AACS: variants seen among roughly 807,000 people sequenced by gnomAD.
AACS encodes the protein acetoacetyl-CoA synthetase.
Under a neutral mutation model 83.1 loss-of-function variants are expected in AACS, and 69 were observed. The observed-to-expected ratio is 0.83, with a 90% CI of 0.68 to 1.01. The LOEUF is 1.01. AACS is among the 50% of genes least tolerant of loss of function. The probability of loss-of-function intolerance (pLI) is 0.00; values close to 1 mark genes in which losing one functional copy is unlikely to be tolerated. For missense variants in AACS, 866 were observed against 882.2 expected (o/e 0.98, Z 0.23); for synonymous variants, 333 against 343.4 (o/e 0.97, Z 0.33).
At chr12:125,070,363 G>A (rs997059120) in intron 1 of AACS, among the ~76,000 whole-genome samples, 4 of 152,176 alleles carry the variant, frequency 2.6e-5, no homozygotes, top group African/African-American at 9.7e-5. Flanking sequence ...CGGTTTAGAA[G>A]GGCGGATAGC....
chr12:125,102,826 G>A (rs1020110020), intron 6 of AACS, 33 bp downstream of exon 6: 54 of 1,599,002 alleles, frequency 3.4e-5, no homozygotes, highest in Non-Finnish European at 4.2e-5. Flanking sequence ...AGCCGGCATG[G>A]CTGGGTGTGT....
chr12:125,069,903 C>T (rs1302541014), intron 1 of AACS, among the ~76,000 whole-genome samples: 7 of 152,188 alleles, frequency 4.6e-5, no homozygotes, highest in African/African-American at 1.7e-4. Flanking sequence ...TTGGTGTTGA[C>T]ATTCTGAGTA....
At chr12:125,092,997 A>C (rs1316834772) in intron 5 of AACS, among the ~76,000 whole-genome samples, 2 of 152,330 alleles carry the variant, frequency 1.3e-5, no homozygotes, top group East Asian at 3.9e-4. Flanking sequence ...TCCATGGGCA[A>C]GTGCCCTGGT....
At chr12:125,079,320 A>G (rs1204918212) in intron 3 of AACS, among the ~76,000 whole-genome samples, 3 of 152,100 alleles carry the variant, frequency 2.0e-5, no homozygotes, top group Non-Finnish European at 4.4e-5. Flanking sequence ...TGGGTGGAGA[A>G]CGGGAAGGGA....
chr12:125,074,062 T>C (rs7963305), intron 2 of AACS, 83 bp downstream of exon 2: 22,076 of 1,145,882 alleles, frequency 0.019, 456 homozygotes, highest in African/African-American at 0.094. Context: ...AATACTGAAT[T>C]GTATCTCCTT....
rs761854692 is a variant in AACS, at chr12:125,128,266, AC to A, written c.1416del (p.Asn472LysfsTer112). ...CTGGGCATGGCCGTGGAAGCGTGGA[AC>A]GAGGAAGGTGATGGCTCCACCAACT... ...RNLGMAVEAWNEEGKAVWGES... is the reference protein window; with the variant it reads ...RNLGMAVEAWXEEGKAVWGES... On this transcript the variant is annotated frameshift_variant, in exon 13 of 18. Transcript: ENST00000316519. LOFTEE classifies it high-confidence loss of function. 1.2e-6 allele frequency: 2 copies of A among 1,611,300 alleles called. No individual in the cohort carries two copies. The highest frequency in any genetic ancestry group is 2.2e-5 in the South Asian group (2 of 90,648).
chr12:125,096,772 T>A (rs1024269059), intron 5 of AACS, among the ~76,000 whole-genome samples: 5 of 151,090 alleles, frequency 3.3e-5, no homozygotes, highest in Non-Finnish European at 7.4e-5. Context: ...GTGGTGTCTT[T>A]CCAGGAAGGG....
intron 2 of AACS, among the ~76,000 whole-genome samples, chr12:125,075,473 G>C (rs1012144188): frequency 3.3e-5 from 5 of 151,290 alleles, no homozygotes; most frequent in African/African-American, 9.7e-5. Context: ...TGCATTTTTA[G>C]TAGAGATGGG....
intron 12 of AACS, among the ~76,000 whole-genome samples, chr12:125,125,462 A>G (rs555039861): frequency 1.2e-4 from 18 of 152,282 alleles, no homozygotes; most frequent in African/African-American, 4.3e-4. Flanking sequence ...TGTGAGAGCA[A>G]GGCAGGGAGG....
chr12:125,114,336 G>A (rs1957012283), intron 8 of AACS, 141 bp from the exon 9 acceptor site: 2 of 628,900 alleles, frequency 3.2e-6, no homozygotes, highest in Non-Finnish European at 2.7e-6. Context: ...ACCCTCCAAA[G>A]TCTGCTTCTC....
At chr12:125,079,970 T>C (rs913089645) in intron 3 of AACS, among the ~76,000 whole-genome samples, 1 of 152,212 alleles carries the variant, frequency 6.6e-6, no homozygotes, top group African/African-American at 2.4e-5. Context: ...CCTTTTGTGA[T>C]TGGCTGCTTT....
At chr12:125,095,058 G>A (rs1216631015) in intron 5 of AACS, among the ~76,000 whole-genome samples, 2 of 151,310 alleles carry the variant, frequency 1.3e-5, no homozygotes, top group Admixed American at 6.6e-5. Flanking sequence ...ATTCTCGCTC[G>A]CTCTGGGTGG....
intron 3 of AACS, among the ~76,000 whole-genome samples, chr12:125,085,289 C>T (rs1051302891): frequency 2.0e-5 from 3 of 151,018 alleles, no homozygotes; most frequent in Admixed American, 6.6e-5. Flanking sequence ...ACCACGCACA[C>T]GCATGTTGCA....
chr12:125,132,427 A>G (rs1289021428), intron 14 of AACS, among the ~76,000 whole-genome samples: 1 of 152,208 alleles, frequency 6.6e-6, no homozygotes, highest in Non-Finnish European at 1.5e-5. Flanking sequence ...CTGGCACCGA[A>G]GTGCCAGAAT....
At chr12:125,120,900 ATGTGTGTGCATGTATAGGTGTCGGG>A (rs1481045093) in intron 10 of AACS, 1 of 152,180 alleles carries the variant, frequency 6.6e-6, no homozygotes, top group Non-Finnish European at 1.5e-5. Flanking sequence ...GAGTGCATGG[ATGTGTGTGCATGTATAGGTGTCGGG>A]TGTGTGTGCA....
At chr12:125,090,391 C>T (rs1187816513) in intron 4 of AACS, among the ~76,000 whole-genome samples, 1 of 151,944 alleles carries the variant, frequency 6.6e-6, no homozygotes, top group Non-Finnish European at 1.5e-5. Flanking sequence ...CATTTATCCT[C>T]CACCCATCAT....
intron 5 of AACS, among the ~76,000 whole-genome samples, chr12:125,096,222 C>T (rs1956604612): frequency 6.6e-6 from 1 of 152,228 alleles, no homozygotes; most frequent in South Asian, 2.1e-4. Flanking sequence ...GCTGGGATTA[C>T]AGGCATGAGC....
rs184561939 is a variant in AACS at position 125,123,309 on chromosome 12, A to G, written c.1122-1396A>G. 1,419 of 152,314 alleles carry G rather than the reference A, an allele frequency of 9.3e-3. 85 individuals carry two copies. The highest frequency in any genetic ancestry group is 1.7e-3 in the Non-Finnish European group (116 of 68,050). The allele number at this position is 152,314 out of a possible 1,614,324, so 9.4% of individuals were successfully genotyped here. ...AGTCATGAGGTCTCCATCCTCTGTT[A>G]GTGATACTTGCAAAGGAAGTGACAC... On this transcript the variant is annotated intron_variant, in intron 10 of 17. Transcript: ENST00000316519.
chr12:125,131,431 C>T (rs189579612), intron 14 of AACS, among the ~76,000 whole-genome samples: 43 of 152,062 alleles, frequency 2.8e-4, no homozygotes, highest in Middle Eastern at 3.4e-3. Flanking sequence ...AGGCTGGTCT[C>T]GAACTCTTGA....
Sources: gnomAD v4.1 joint callset for allele counts (sites outside exome capture counted in the v4.1 genomes callset) on GRCh38, gnomAD v4.1.1 for gene constraint, MANE v1.5 for transcripts, NCBI Gene and HGNC (gene_info 2026-07-23, HGNC 2026-07-21) for gene names.